SUGCT: variants seen among roughly 807,000 people sequenced by gnomAD.
SUGCT encodes succinyl-CoA:glutarate CoA-transferase.
A neutral mutation model predicts 55.0 loss-of-function variants in SUGCT; 41 were observed. The ratio of observed to expected loss-of-function variants is 0.74; its 90% CI spans 0.58 to 0.97. The LOEUF (loss-of-function observed/expected upper bound fraction) is 0.97, where lower values mean the gene tolerates loss of function less well. Ranked by LOEUF, SUGCT falls within the 50% of genes least tolerant of loss-of-function variation. The pLI is 0.00. For missense variants in SUGCT, 568 were observed against 547.8 expected, an observed-to-expected ratio of 1.04 and a Z score of -0.37; for synonymous variants, 187 against 200.4, an observed-to-expected ratio of 0.93 and a Z score of 0.56.
the SUGCT span, among the ~76,000 whole-genome samples, chr7:40,902,890 T>C: frequency 1.3e-5 from 2 of 152,208 alleles, no homozygotes; most frequent in South Asian, 4.2e-4. Context: ...CCAAAATTGT[T>C]AAAACTAGAA....
the SUGCT span, among the ~76,000 whole-genome samples, chr7:40,980,760 G>A: frequency 1.3e-5 from 2 of 152,034 alleles, no homozygotes; most frequent in African/African-American, 2.4e-5. Flanking sequence ...GCAGTGGTGC[G>A]ATCTCAGCTC....
At chr7:40,651,630 T>C (rs73310243) in intron 12 of SUGCT, among the ~76,000 whole-genome samples, 16,042 of 152,192 alleles carry the variant, frequency 0.11, 1,064 homozygotes, top group African/African-American at 0.19. Flanking sequence ...ACTTTCTTCA[T>C]CTCATAGAAT....
intron 12 of SUGCT, among the ~76,000 whole-genome samples, chr7:40,533,795 C>T (rs1254648346): frequency 6.6e-6 from 1 of 152,086 alleles, no homozygotes; most frequent in Non-Finnish European, 1.5e-5. Context: ...CCTAATAATG[C>T]ATCATAATAT....
At chr7:40,425,045 G>A (rs1048108708) in intron 9 of SUGCT, among the ~76,000 whole-genome samples, 1 of 152,004 alleles carries the variant, frequency 6.6e-6, no homozygotes, top group African/African-American at 2.4e-5. Context: ...AAAAGTCAGT[G>A]TTCTCAGAAA....
chr7:40,241,467 C>T (rs1352314616), intron 7 of SUGCT, among the ~76,000 whole-genome samples: 1 of 150,606 alleles, frequency 6.6e-6, no homozygotes, highest in Non-Finnish European at 1.5e-5. Flanking sequence ...TAATCCCAGC[C>T]ACCCGGAAGG....
chr7:40,577,213 G>T (rs975371229), intron 12 of SUGCT, among the ~76,000 whole-genome samples: 1 of 152,178 alleles, frequency 6.6e-6, no homozygotes, highest in Non-Finnish European at 1.5e-5. Context: ...TGTTAATACA[G>T]GAAGCACCTG....
intron 12 of SUGCT, among the ~76,000 whole-genome samples, chr7:40,552,778 C>G (rs1026008052): frequency 2.7e-5 from 4 of 149,152 alleles, no homozygotes; most frequent in African/African-American, 9.9e-5. Context: ...ACCCCCACCA[C>G]CCAGCTTTGT....
chr7:40,475,499 A>G (rs2151478213), intron 11 of SUGCT, among the ~76,000 whole-genome samples: 1 of 152,320 alleles, frequency 6.6e-6, no homozygotes, highest in Non-Finnish European at 1.5e-5. Flanking sequence ...ACCAAGCAAA[A>G]TAGAAAATGA....
At chr7:40,845,790 GCTT>G (rs1793523826) in intron 13 of SUGCT, among the ~76,000 whole-genome samples, 1 of 152,104 alleles carries the variant, frequency 6.6e-6, no homozygotes, top group African/African-American at 2.4e-5. Context: ...TTCTCTCTTT[GCTT>G]GGAATATAAC....
intron 12 of SUGCT, among the ~76,000 whole-genome samples, chr7:40,581,597 T>C (rs957576142): frequency 2.0e-5 from 3 of 152,220 alleles, no homozygotes; most frequent in Admixed American, 2.0e-4. Context: ...TCTTTCAAGA[T>C]TGTGATTTTG....
At chr7:40,922,649 T>G in the SUGCT span, among the ~76,000 whole-genome samples, 8 of 152,348 alleles carry the variant, frequency 5.3e-5, no homozygotes, top group Middle Eastern at 3.4e-3. Context: ...ATATTTCACT[T>G]CATCCAAAAT....
At chr7:40,453,932 A>T (rs1330726324) in intron 10 of SUGCT, among the ~76,000 whole-genome samples, 2 of 152,216 alleles carry the variant, frequency 1.3e-5, no homozygotes, top group East Asian at 1.9e-4. Context: ...AATAAATGGG[A>T]TATAGAAATA....
intron 12 of SUGCT, among the ~76,000 whole-genome samples, chr7:40,698,217 A>G (rs77405430): frequency 0.027 from 4,075 of 152,308 alleles, 183 homozygotes; most frequent in African/African-American, 0.092. Context: ...GGTGGTATCT[A>G]TGTAATCTGC....
At chr7:40,786,333 A>T (rs1005529030) in intron 13 of SUGCT, among the ~76,000 whole-genome samples, 2 of 152,204 alleles carry the variant, frequency 1.3e-5, no homozygotes. Flanking sequence ...ATTATTTTCT[A>T]TAAGATATGT....
chr7:40,710,739 C>G (rs1785666072), intron 12 of SUGCT, among the ~76,000 whole-genome samples: 1 of 152,136 alleles, frequency 6.6e-6, no homozygotes, highest in Non-Finnish European at 1.5e-5. Flanking sequence ...TAATTATCCA[C>G]TTACTGAAAG....
intron 6 of SUGCT, among the ~76,000 whole-genome samples, chr7:40,220,517 A>T (rs555829949): frequency 6.6e-6 from 1 of 152,332 alleles, no homozygotes; most frequent in East Asian, 1.9e-4. Flanking sequence ...CAATGGAGGA[A>T]GCACCACTTA....
At chr7:40,224,208 TA>T (rs573362815) in intron 6 of SUGCT, among the ~76,000 whole-genome samples, 391 of 152,342 alleles carry the variant, frequency 2.6e-3, no homozygotes, top group Middle Eastern at 6.8e-3. Flanking sequence ...ATTCATTTTG[TA>T]AAAAATGTTT....
chr7:40,648,443 C>G (rs1425662612), intron 12 of SUGCT, among the ~76,000 whole-genome samples: 2 of 151,930 alleles, frequency 1.3e-5, no homozygotes, highest in Non-Finnish European at 2.9e-5. Context: ...AGGTATATAC[C>G]TTTTGAACAC....
chr7:40,539,070 C>T (rs1794532367), intron 12 of SUGCT: 1 of 142,978 alleles, frequency 7.0e-6, no homozygotes, highest in Admixed American at 7.0e-5. Flanking sequence ...CAGAGCGAGA[C>T]TCCATCTCAA....
Sources: gnomAD v4.1 joint callset for allele counts (sites outside exome capture counted in the v4.1 genomes callset) on GRCh38, gnomAD v4.1.1 for gene constraint, MANE v1.5 for transcripts, NCBI Gene and HGNC (gene_info 2026-07-23, HGNC 2026-07-21) for gene names.